The following NEK6 variants were observed in gnomAD, a reference collection of about 807,000 sequenced individuals.
NEK6 encodes NIMA related kinase 6.
A neutral mutation model predicts 43.5 loss-of-function variants in NEK6; 27 were observed. That is an observed-to-expected ratio of 0.62 (90% CI 0.46 to 0.86). The LOEUF (loss-of-function observed/expected upper bound fraction) is 0.86, where lower values mean the gene tolerates loss of function less well. Ranked by LOEUF, NEK6 falls within the 40% of genes least tolerant of loss-of-function variation. NEK6 has a pLI of 0.00. For missense variants in NEK6, 318 were observed against 414.4 expected, an observed-to-expected ratio of 0.77 and a Z score of 2.02; for synonymous variants, 167 against 164.1, an observed-to-expected ratio of 1.02 and a Z score of -0.14.
At chr9:124,349,156 C>T (rs1213801949) in intron 9 of NEK6, among the ~76,000 whole-genome samples, 1 of 152,254 alleles carries the variant, frequency 6.6e-6, no homozygotes, top group Non-Finnish European at 1.5e-5. Flanking sequence ...GTGTCGGGCG[C>T]TGCACAGTGC....
At chr9:124,340,611 G>T (rs1829555652) in intron 8 of NEK6, among the ~76,000 whole-genome samples, 1 of 152,248 alleles carries the variant, frequency 6.6e-6, no homozygotes, top group African/African-American at 2.4e-5. Flanking sequence ...GCCCGGCTTG[G>T]TTTTACAGTT....
At chr9:124,325,513 CT>C (rs562995176) in intron 5 of NEK6, among the ~76,000 whole-genome samples, 49 of 152,358 alleles carry the variant, frequency 3.2e-4, no homozygotes, top group African/African-American at 1.2e-3. Context: ...CAAAAAGCCC[CT>C]GCACAAAAAG....
rs1012868044 is a variant in NEK6, at chr9:124,343,463, G to A, written c.717+3798G>A. Among the ~76,000 whole-genome samples, 5 of 152,134 alleles carry A rather than the reference G, an allele frequency of 3.3e-5. No individual in the cohort carries two copies. The highest frequency in any genetic ancestry group is 7.2e-5 in the African/African-American group (3 of 41,434). ...GCAGCCCCGGCCTCACACAGCAGCA[G>A]GCTGCTGTGGCCACCCATAGCCGGC... On this transcript the variant is annotated intron_variant, in intron 8 of 9. Transcript: ENST00000320246. This position sits in a 1 kb window ranked among gnomAD's most constrained non-coding sequence, Gnocchi z 5.1.
chr9:124,345,953 A>G (rs893693184), intron 8 of NEK6, among the ~76,000 whole-genome samples: 12 of 152,158 alleles, frequency 7.9e-5, no homozygotes, highest in African/African-American at 2.7e-4. Flanking sequence ...GCAGACCCCA[A>G]AATGGGCAGG....
intron 2 of NEK6, among the ~76,000 whole-genome samples, chr9:124,305,805 G>A (rs1833228257): frequency 6.6e-6 from 1 of 152,208 alleles, no homozygotes; most frequent in South Asian, 2.1e-4. Context: ...GGAATTTGGG[G>A]TGGGACAGGG....
chr9:124,296,435 C>T (rs1223292499), intron 1 of NEK6, among the ~76,000 whole-genome samples: 1 of 152,198 alleles, frequency 6.6e-6, no homozygotes, highest in Non-Finnish European at 1.5e-5. Flanking sequence ...GGCTTGGCAA[C>T]ACCTGTCAGT....
At chr9:124,329,903 C>T (rs556062709) in intron 7 of NEK6, among the ~76,000 whole-genome samples, 44 of 152,380 alleles carry the variant, frequency 2.9e-4, no homozygotes, top group African/African-American at 8.2e-4. Context: ...GGACACTTCA[C>T]GCCCTGTGCG....
intron 2 of NEK6, among the ~76,000 whole-genome samples, chr9:124,304,432 G>A (rs1833153250): frequency 6.6e-6 from 1 of 152,188 alleles, no homozygotes; most frequent in Admixed American, 6.5e-5. Flanking sequence ...AGCCGGGTGA[G>A]ACTAGGAAAG....
At chr9:124,315,685 G>T (rs917245910) in intron 4 of NEK6, among the ~76,000 whole-genome samples, 3 of 152,214 alleles carry the variant, frequency 2.0e-5, no homozygotes, top group African/African-American at 7.2e-5. Flanking sequence ...AGCACAGCCT[G>T]GTCTGGTCCC....
In NEK6 at chr9:124,326,240, T is replaced by G; in HGVS notation, c.406-90T>G. On this transcript the variant is annotated intron_variant, in intron 5 of 9. Coordinates refer to ENST00000320246, the MANE Select transcript of NEK6 (RefSeq NM_014397.6). The surrounding 1 kb of genome is among the most constrained non-coding windows in gnomAD (Gnocchi z 4.5). The stretch of plus-strand genomic sequence containing the variant: ...CCCCTGCCAGGCACCAGTTACCCAC[T>G]GGGGAAAGGACAGAGGCAGTGCCCT... 1 of 230,372 alleles carries G rather than the reference T, an allele frequency of 4.3e-6. No homozygotes were observed. Among genetic ancestry groups the G allele is most frequent in the East Asian group, 7.6e-5 (1 of 13,216 alleles). 14.3% of individuals were successfully genotyped at this position (230,372 alleles called of 1,614,324 possible). A position where few individuals can be genotyped will look rare whatever the true frequency, so the allele number is the denominator to read the frequency against.
At chr9:124,257,869 C>T (rs1360635093), upstream of NEK6, 4 of 1,035,422 alleles carry the variant, frequency 3.9e-6, no homozygotes, top group East Asian at 9.8e-5. Flanking sequence ...GCTTGCGTGG[C>T]GGCAGCGCGC....
chr9:124,305,917 C>A (rs1474706685), intron 2 of NEK6, among the ~76,000 whole-genome samples: 2 of 152,204 alleles, frequency 1.3e-5, no homozygotes, highest in South Asian at 4.1e-4. Flanking sequence ...TTATGAAGGT[C>A]TCAAATCCAT....
chr9:124,292,526 G>T (rs1009087383), intron 1 of NEK6: 1 of 1,537,026 alleles, frequency 6.5e-7, no homozygotes, highest in Non-Finnish European at 8.7e-7. Flanking sequence ...CTAGATGCTC[G>T]CCTGGGACCC....
chr9:124,284,856 T>C (rs1422301073), intron 1 of NEK6, among the ~76,000 whole-genome samples: 2 of 152,250 alleles, frequency 1.3e-5, no homozygotes. Flanking sequence ...CCCCTGCCTC[T>C]GCTGTCTCCC....
intron 1 of NEK6, 169 bp downstream of exon 1, chr9:124,258,254 C>G: frequency 1.0e-6 from 1 of 983,278 alleles, no homozygotes; most frequent in Non-Finnish European, 1.2e-6. Context: ...CGGGGCTGAG[C>G]GTGTCGGCGG....
intron 7 of NEK6, among the ~76,000 whole-genome samples, chr9:124,338,205 T>G (rs528188020): frequency 3.3e-5 from 5 of 152,332 alleles, no homozygotes; most frequent in African/African-American, 1.2e-4. Context: ...GGTCTCAAAC[T>G]CCTGACCTCA....
intron 8 of NEK6, among the ~76,000 whole-genome samples, chr9:124,340,072 C>G (rs1277501188): frequency 6.6e-6 from 1 of 152,186 alleles, no homozygotes; most frequent in Non-Finnish European, 1.5e-5. Flanking sequence ...GCCTCATGCC[C>G]CTGAATCACT....
rs907752800 is a variant in NEK6 at position 124,343,584 on chromosome 9, G to C, written c.717+3919G>C. Among the ~76,000 whole-genome samples the C allele has an allele frequency of 6.6e-6, 1 of 152,156 alleles. No individual in the cohort carries two copies. Among genetic ancestry groups the C allele is most frequent in the African/African-American group, 2.4e-5 (1 of 41,434 alleles). ...GGAAGGTGAAGCAGGCGTTTCCCCA[G>C]CAGACAGGGAGGAGAGCCACATCTG... is the stretch of plus-strand genomic sequence containing the variant. On this transcript the variant is annotated intron_variant, in intron 8 of 9. Transcript: ENST00000320246. The surrounding 1 kb of genome is among the most constrained non-coding windows in gnomAD (Gnocchi z 5.1).
intron 7 of NEK6, among the ~76,000 whole-genome samples, chr9:124,329,308 G>A (rs4836973): frequency 0.65 from 98,351 of 152,120 alleles, 32,117 homozygotes; most frequent in East Asian, 0.8. Flanking sequence ...GAACCGCTGC[G>A]TCCTGTCCCC....
Sources: allele counts gnomAD v4.1 joint callset (sites outside exome capture counted in the v4.1 genomes callset), GRCh38; gene constraint gnomAD v4.1.1; non-coding constraint Gnocchi (gnomAD v3.1); transcripts MANE v1.5; gene names NCBI Gene and HGNC (gene_info 2026-07-23, HGNC 2026-07-21).